ELOVL5: variants seen among roughly 807,000 people sequenced by gnomAD.
ELOVL5 encodes the protein ELOVL fatty acid elongase 5, also known as very long chain fatty acid elongase 5.
ELOVL5 carries 8 observed loss-of-function variants against 38.6 expected under a neutral mutation model. The ratio of observed to expected loss-of-function variants is 0.21; its 90% confidence interval spans 0.12 to 0.37. The LOEUF is 0.37. Among genes scored for constraint, ELOVL5 ranks in the 10% least tolerant of loss-of-function variants. The pLI is 1.00. For synonymous variants in ELOVL5, 127 were observed against 133.7 expected (o/e 0.95, Z 0.34); for missense variants, 280 against 367.8 (o/e 0.76, Z 1.95).
intron 1 of ELOVL5, among the ~76,000 whole-genome samples, chr6:53,306,896 G>A (rs1000297555): frequency 6.6e-6 from 1 of 152,220 alleles, no homozygotes; most frequent in Non-Finnish European, 1.5e-5. Context: ...CCAGATTGCT[G>A]CAGTTGGACT....
chr6:53,270,689 C>G lies in ELOVL5; in HGVS notation c.660G>C (p.Gly220=), dbSNP rs1279853004. Residue 220 remains glycine, a synonymous_variant, in exon 7 of 8, where the codon GGG becomes GGC. Coordinates refer to ENST00000304434, the MANE Select transcript of ELOVL5 (RefSeq NM_021814.5). ...FVLTIIQTSC[G]VIWPCTFPLG... is the part of the protein sequence containing the mutation. ...GAGGGAATGTGCACGGCCAGATGAC[C>G]CCGCAGCTGGTCTGGATGATTGTCA... 1 of 1,614,146 alleles carries G rather than the reference C, an allele frequency of 6.2e-7. No homozygotes were observed. Among genetic ancestry groups the G allele is most frequent in the South Asian group, 1.1e-5 (1 of 91,070 alleles).
intron 1 of ELOVL5, among the ~76,000 whole-genome samples, chr6:53,299,357 TAAA>T (rs1365437482): frequency 4.6e-5 from 7 of 152,020 alleles, no homozygotes; most frequent in African/African-American, 1.7e-4. Flanking sequence ...AATGAGGAAA[TAAA>T]GAAGCTGGAA....
At chr6:53,320,333 C>T (rs554082789) in intron 1 of ELOVL5, among the ~76,000 whole-genome samples, 29 of 151,762 alleles carry the variant, frequency 1.9e-4, no homozygotes, top group African/African-American at 7.0e-4. Context: ...AACAACCCCA[C>T]ATTTCTTTTT....
At chr6:53,340,106 A>T (rs933427055) in intron 1 of ELOVL5, among the ~76,000 whole-genome samples, 5 of 151,762 alleles carry the variant, frequency 3.3e-5, no homozygotes, top group Non-Finnish European at 5.9e-5. Flanking sequence ...GAAATAAAAT[A>T]TTTTTTTTGC....
At chr6:53,308,565 G>C (rs755086928) in intron 1 of ELOVL5, among the ~76,000 whole-genome samples, 6 of 152,094 alleles carry the variant, frequency 3.9e-5, no homozygotes, top group African/African-American at 9.7e-5. Context: ...TTTAAAATCA[G>C]GTTTTTGGGA....
At chr6:53,302,067 G>C (rs1398206253) in intron 1 of ELOVL5, among the ~76,000 whole-genome samples, 1 of 152,088 alleles carries the variant, frequency 6.6e-6, no homozygotes, top group Non-Finnish European at 1.5e-5. Flanking sequence ...TAGAATTTTA[G>C]GATCCTTGGG....
chr6:53,348,301 C>CA (rs972006465), intron 1 of ELOVL5, among the ~76,000 whole-genome samples: 1 of 152,168 alleles, frequency 6.6e-6, no homozygotes, highest in African/African-American at 2.4e-5. Flanking sequence ...AGAGTCCCCC[C>CA]AGCGGCGCCC....
In ELOVL5 at chr6:53,269,262, G is replaced by C. The variant is rs763389102; in HGVS notation, c.765C>G (p.Asn255Lys). ...LFTNFYIQTY[N>K]KKGASRRKDH... ...CTTTCCTTCGGGAGGCCCCTTTCTT[G>C]TTGTAGGTCTAAAATGTGTAAGGGC... is the stretch of plus-strand genomic sequence containing the variant. Residue 255 changes from asparagine to lysine, a missense_variant, in exon 8 of 8, where the codon AAC (asparagine) becomes AAG (lysine). By Grantham distance (94) the Asn-to-Lys change is moderately conservative (BLOSUM62 0). This residue lies in a region of ELOVL5 where 125 missense variants were observed against 158.9 expected (regional missense o/e 0.79). Coordinates refer to ENST00000304434, the MANE Select transcript of ELOVL5 (RefSeq NM_021814.5). 16 of 1,609,918 alleles carry C rather than the reference G, an allele frequency of 9.9e-6. No individual in the cohort carries two copies. In the South Asian group the frequency reaches 1.5e-4, roughly 16 times the overall value.
At chr6:53,286,143 G>C (rs1329002551) in intron 3 of ELOVL5, among the ~76,000 whole-genome samples, 1 of 152,086 alleles carries the variant, frequency 6.6e-6, no homozygotes, top group African/African-American at 2.4e-5. Context: ...CCCCATTAAA[G>C]ACAAGAGACT....
chr6:53,273,171 C>A, intron 6 of ELOVL5, 49 bp downstream of exon 6: 2 of 1,606,184 alleles, frequency 1.2e-6, no homozygotes, highest in South Asian at 1.1e-5. Flanking sequence ...AGGAAGAGGT[C>A]TGTATCCACC....
intron 3 of ELOVL5, 50 bp from the exon 4 acceptor site, chr6:53,276,306 G>A (rs748147731): frequency 8.2e-7 from 1 of 1,223,654 alleles, no homozygotes; most frequent in South Asian, 1.2e-5. Flanking sequence ...GCCATGTAAA[G>A]TCCTCATTGA....
chr6:53,305,472 T>C (rs2127580157), intron 1 of ELOVL5, among the ~76,000 whole-genome samples: 1 of 148,272 alleles, frequency 6.7e-6, no homozygotes, highest in African/African-American at 2.5e-5. Flanking sequence ...GAGGGGCTCC[T>C]CACTTCTCAG....
chr6:53,285,975 C>T (rs1766554466), intron 3 of ELOVL5, among the ~76,000 whole-genome samples: 1 of 152,056 alleles, frequency 6.6e-6, no homozygotes. Flanking sequence ...CTTAATAGAC[C>T]ATAATGTAAA....
rs149328957 is a variant in ELOVL5 at position 53,288,116 on chromosome 6, G to C, written c.246+3660C>G. 5.0e-4 allele frequency among the ~76,000 whole-genome samples: 76 copies of C among 152,290 alleles called. 1 individual carries two copies. Among genetic ancestry groups the C allele is most frequent in the African/African-American group, 1.7e-3 (70 of 41,548 alleles). The stretch of plus-strand genomic sequence containing the variant: ...TAAAAGTGGCTTTGATAGCTCACTG[G>C]ATGGGTCAGGGGAAACCTGATCCAA... On this transcript the variant is annotated intron_variant, in intron 3 of 7. Coordinates refer to ENST00000304434, the MANE Select transcript of ELOVL5 (RefSeq NM_021814.5).
chr6:53,319,193 C>A (rs1768182524), intron 1 of ELOVL5, among the ~76,000 whole-genome samples: 1 of 140,906 alleles, frequency 7.1e-6, no homozygotes, highest in Admixed American at 7.6e-5. Context: ...ATGGCGTGAA[C>A]CCGGTAGGCG....
intron 3 of ELOVL5, among the ~76,000 whole-genome samples, chr6:53,283,302 T>C (rs1766432238): frequency 6.6e-6 from 1 of 151,984 alleles, no homozygotes; most frequent in Admixed American, 6.6e-5. Context: ...AATCTTTATG[T>C]GGAAAAGGCA....
intron 1 of ELOVL5, among the ~76,000 whole-genome samples, chr6:53,305,620 G>A (rs1197302529): frequency 6.6e-6 from 1 of 151,130 alleles, no homozygotes; most frequent in Non-Finnish European, 1.5e-5. Flanking sequence ...GCCGGGCAGA[G>A]ACGCTCCTCA....
intron 1 of ELOVL5, among the ~76,000 whole-genome samples, chr6:53,315,572 G>T (rs1430172336): frequency 6.6e-6 from 1 of 152,162 alleles, no homozygotes; most frequent in African/African-American, 2.4e-5. Context: ...TTGTACTATT[G>T]TAAATTAGTC....
intron 1 of ELOVL5, among the ~76,000 whole-genome samples, chr6:53,343,965 A>G (rs952987839): frequency 1.3e-5 from 2 of 152,210 alleles, no homozygotes; most frequent in Non-Finnish European, 2.9e-5. Context: ...TCACCAGGGA[A>G]AAGTGTAGGA....
Sources: allele counts gnomAD v4.1 joint callset (sites outside exome capture counted in the v4.1 genomes callset), GRCh38; gene constraint gnomAD v4.1.1; regional missense constraint gnomAD v4.1.1; transcripts MANE v1.5; gene names NCBI Gene and HGNC (gene_info 2026-07-23, HGNC 2026-07-21).